The following TRIM23 variants were observed in gnomAD, a reference collection of about 807,000 sequenced individuals.
The protein encoded by TRIM23 is E3 ubiquitin-protein ligase TRIM23.
TRIM23 carries 27 observed loss-of-function variants against 71.0 expected under a neutral mutation model. That is an observed-to-expected ratio of 0.38 (90% CI 0.28 to 0.52). The LOEUF is 0.52. Among genes scored for constraint, TRIM23 ranks in the 20% least tolerant of loss-of-function variants. The pLI, the probability that TRIM23 is intolerant of heterozygous loss-of-function variation, is 0.84. For missense variants in TRIM23, 482 were observed against 692.3 expected (o/e 0.70, Z 3.41); for synonymous variants, 234 against 238.0 (o/e 0.98, Z 0.16).
intron 9 of TRIM23, 103 bp from the exon 10 acceptor site, chr5:65,594,748 G>A (rs919566827): frequency 1.9e-6 from 2 of 1,080,608 alleles, no homozygotes; most frequent in African/African-American, 3.3e-5. Flanking sequence ...GTTAGAGTTT[G>A]TCTACCATCA....
Position 65,604,976 on chromosome 5 carries a change from G to A in TRIM23, c.1114C>T (p.Gln372Ter), listed in dbSNP as rs1202589094. ...TGATCTGCAACTTCTGTAAACTGCT[G>A]CTGCTGTTTCTGCAATGTTTCCAGT... is the stretch of plus-strand genomic sequence containing the variant. ...RLLETLQKQQ[Q>*]QFTEVADHIQ... The change falls in exon 7 of 11, where the codon CAG becomes TAG. Residue 372 changes from glutamine (Q) to a stop codon, truncating the protein, a stop_gained. Coordinates refer to ENST00000231524, the MANE Select transcript of TRIM23 (RefSeq NM_001656.4). LOFTEE classifies it high-confidence loss of function. 1.2e-6 allele frequency: 2 copies of A among 1,613,964 alleles called. No homozygotes were observed.
At chr5:65,618,401 C>A in intron 1 of TRIM23, 146 bp from the exon 2 acceptor site, 1 of 843,694 alleles carries the variant, frequency 1.2e-6, no homozygotes, top group Middle Eastern at 2.9e-4. Context: ...GTTGTAAAAT[C>A]TTGAATCACT....
intron 6 of TRIM23, 38 bp from the exon 7 acceptor site, chr5:65,605,083 A>G (rs1268744411): frequency 1.3e-6 from 2 of 1,543,044 alleles, no homozygotes; most frequent in South Asian, 1.3e-5. Flanking sequence ...TAAACTTTTT[A>G]TAAGAAATAA....
chr5:65,613,898 G>C (rs749345106), intron 3 of TRIM23, 200 bp downstream of exon 3: 2 of 1,485,494 alleles, frequency 1.3e-6, no homozygotes, highest in Non-Finnish European at 1.8e-6. Context: ...ATAAAGCATA[G>C]TTTAGGCATA....
chr5:65,590,708 C>T lies in TRIM23; in HGVS notation c.*1061G>A. 8.1e-6 allele frequency: 8 copies of T among 984,834 alleles called. No homozygotes were observed. Among genetic ancestry groups the T allele is most frequent in the Non-Finnish European group, 9.6e-6 (8 of 829,560 alleles). 61.0% of individuals were successfully genotyped at this position (984,834 alleles called of 1,614,324 possible). A position where few individuals can be genotyped will look rare whatever the true frequency, so the allele number is the denominator to read the frequency against. On this transcript the variant is annotated 3_prime_UTR_variant, in exon 11 of 11. Transcript: ENST00000231524. ...ATTTTTTTTTTCTTTAGACATTTTT[C>T]CTCTAGAGTAACTTTTCAAGGCCTT...
intron 1 of TRIM23, 118 bp from the exon 2 acceptor site, chr5:65,618,373 GA>G (rs895647622): frequency 1.1e-4 from 124 of 1,100,108 alleles, no homozygotes; most frequent in Middle Eastern, 6.6e-4. Context: ...ATTCCTCTAT[GA>G]AAAAAAAACT....
intron 5 of TRIM23, among the ~76,000 whole-genome samples, chr5:65,610,345 T>A (rs1754618705): frequency 6.6e-6 from 1 of 152,202 alleles, no homozygotes. Context: ...AGTTCTGAAC[T>A]CTTTAACATG....
intron 2 of TRIM23, among the ~76,000 whole-genome samples, chr5:65,617,457 G>A (rs115675372): frequency 8.1e-4 from 124 of 152,292 alleles, no homozygotes; most frequent in African/African-American, 2.9e-3. Flanking sequence ...ATCAAAAAGA[G>A]TAAACTTACA....
chr5:65,608,888 T>C (rs772445644), intron 6 of TRIM23, among the ~76,000 whole-genome samples: 10 of 150,524 alleles, frequency 6.6e-5, no homozygotes, highest in Non-Finnish European at 1.3e-4. Context: ...AGCTGGACCT[T>C]GAAGGAGAAG....
At chr5:65,597,227 T>C (rs2150623083) in intron 7 of TRIM23, 47 bp from the exon 8 acceptor site, 1 of 1,581,248 alleles carries the variant, frequency 6.3e-7, no homozygotes, top group East Asian at 2.2e-5. Flanking sequence ...AGTTAGAAAG[T>C]AATAGCATTT....
intron 1 of TRIM23, among the ~76,000 whole-genome samples, chr5:65,620,673 A>T (rs979313408): frequency 6.6e-6 from 1 of 152,190 alleles, no homozygotes; most frequent in African/African-American, 2.4e-5. Context: ...CCCATGAAAA[A>T]GGCAAACAAC....
chr5:65,596,540 A>G lies in TRIM23; in HGVS notation c.1310-9T>C. On this transcript the variant is annotated splice_polypyrimidine_tract_variant and intron_variant, in intron 8 of 10. Coordinates refer to ENST00000231524, the MANE Select transcript of TRIM23 (RefSeq NM_001656.4). ...AGTTTCCACGTTAAAACCTGTTTTA[A>G]AAAAAAAGTTACTTTTATACTATAT... is the stretch of plus-strand genomic sequence containing the variant. The G allele has an allele frequency of 6.6e-7, 1 of 1,521,724 alleles. No individual in the cohort carries two copies. The allele number at this position is 1,521,724 out of a possible 1,614,324, so 94.3% of individuals were successfully genotyped here. A position where few individuals can be genotyped will look rare whatever the true frequency, so the allele number is the denominator to read the frequency against.
In TRIM23 at chr5:65,614,164, T is replaced by C. The variant is rs754437907; in HGVS notation, c.300A>G (p.Glu100=). The C allele has an allele frequency of 1.2e-6, 2 of 1,614,032 alleles. No homozygotes were observed. The highest frequency in any genetic ancestry group is 1.3e-5 in the African/African-American group (1 of 75,024). ...KKNFALLELL[E]RLQNGPIGQY... is the part of the protein sequence containing the mutation. The stretch of plus-strand genomic sequence containing the variant: ...GACCAATAGGCCCATTCTGCAGTCG[T>C]TCCAAAAGCTCCAATAAAGCAAAAT... Residue 100 remains glutamate, a synonymous_variant, in exon 3 of 11, where the codon GAA becomes GAG. Transcript: ENST00000231524.
chr5:65,620,950 A>G (rs899653928), intron 1 of TRIM23, among the ~76,000 whole-genome samples: 2 of 151,876 alleles, frequency 1.3e-5, no homozygotes, highest in Non-Finnish European at 2.9e-5. Flanking sequence ...GGATCATTTG[A>G]GCCCAGGAGG....
chr5:65,611,898 T>C lies in TRIM23; in HGVS notation c.367-17A>G, dbSNP rs1042588807. ...AATGATGCTCTGATAAACAAAAAATTAATGCCTTAAAATTGAACCCAATCA... is the reference window on the plus strand; with the variant it reads ...AATGATGCTCTGATAAACAAAAAATCAATGCCTTAAAATTGAACCCAATCA... On this transcript the variant is annotated splice_polypyrimidine_tract_variant and intron_variant, in intron 3 of 10. Coordinates refer to ENST00000231524, the MANE Select transcript of TRIM23 (RefSeq NM_001656.4). 2 of 1,601,632 alleles carry C rather than the reference T, an allele frequency of 1.2e-6. No homozygotes were observed. Among genetic ancestry groups the C allele is most frequent in the African/African-American group, 2.7e-5 (2 of 74,624 alleles).
At chr5:65,613,855 A>G (rs1296693853) in intron 3 of TRIM23, 2 of 1,406,666 alleles carry the variant, frequency 1.4e-6, no homozygotes, top group African/African-American at 2.9e-5. Context: ...TCTTGGTAGA[A>G]CTGAATTATG....
chr5:65,602,140 G>A (rs935555110), intron 7 of TRIM23, among the ~76,000 whole-genome samples: 1 of 152,160 alleles, frequency 6.6e-6, no homozygotes, highest in Admixed American at 6.5e-5. Flanking sequence ...GCACAATCAG[G>A]ATGCAAATTT....
At position 65,591,490 on chromosome 5, in the gene TRIM23, A is replaced by G. The variant is rs775004219; in HGVS notation, c.*279T>C. Reference sequence around the variant, plus strand: ...CTCTTTCCCAGTATATTGGTCACATATTATCTGAAAAACTTAAATAACAAA... The same window carrying G: ...CTCTTTCCCAGTATATTGGTCACATGTTATCTGAAAAACTTAAATAACAAA... On this transcript the variant is annotated 3_prime_UTR_variant, in exon 11 of 11. Coordinates refer to ENST00000231524, the MANE Select transcript of TRIM23 (RefSeq NM_001656.4). 1 of 1,583,690 alleles carries G rather than the reference A, an allele frequency of 6.3e-7. No homozygotes were observed. The highest frequency in any genetic ancestry group is 8.6e-7 in the Non-Finnish European group (1 of 1,166,508).
intron 7 of TRIM23, among the ~76,000 whole-genome samples, chr5:65,602,716 G>C (rs1266095175): frequency 2.0e-5 from 3 of 152,104 alleles, no homozygotes; most frequent in African/African-American, 7.2e-5. Flanking sequence ...ATCATGGCAG[G>C]GGGCAAAAGG....
Sources: gnomAD v4.1 joint callset for allele counts (sites outside exome capture counted in the v4.1 genomes callset) on GRCh38, gnomAD v4.1.1 for gene constraint, MANE v1.5 for transcripts, NCBI Gene and HGNC (gene_info 2026-07-23, HGNC 2026-07-21) for gene names.